The following LMO7 variants were observed in gnomAD, a reference collection of about 807,000 sequenced individuals.
LMO7 encodes LIM domain only protein 7.
A neutral mutation model predicts 206.5 loss-of-function variants in LMO7; 120 were observed. The observed-to-expected ratio is 0.58, with a 90% CI of 0.50 to 0.68. LMO7 has a LOEUF of 0.68. Ranked by LOEUF, LMO7 falls within the 30% of genes least tolerant of loss-of-function variation. LMO7 has a pLI of 0.00. For missense variants in LMO7, 1,959 were observed against 1,957.9 expected (o/e 1.00, Z -0.01); for synonymous variants, 706 against 681.5 (o/e 1.04, Z -0.56).
At chr13:75,642,314 C>T (rs574573623) in intron 1 of LMO7, among the ~76,000 whole-genome samples, 1 of 151,948 alleles carries the variant, frequency 6.6e-6, no homozygotes, top group Admixed American at 6.6e-5. Context: ...TTTAGTAAAA[C>T]AGGGTGTCAG....
intron 1 of LMO7, among the ~76,000 whole-genome samples, chr13:75,649,821 T>G (rs1390896281): frequency 6.6e-6 from 1 of 152,222 alleles, no homozygotes; most frequent in Non-Finnish European, 1.5e-5. Flanking sequence ...ATCTGCTATA[T>G]AAAATACTAA....
chr13:75,739,953 T>C (rs990249026), intron 3 of LMO7, among the ~76,000 whole-genome samples: 1 of 152,176 alleles, frequency 6.6e-6, no homozygotes, highest in Non-Finnish European at 1.5e-5. Context: ...GAGTACTTTT[T>C]TGGGGAAAAA....
Position 75,636,544 on chromosome 13 carries a change from A to T in LMO7, c.-114A>T. The T allele has an allele frequency of 1.3e-6, 2 of 1,524,034 alleles. No individual in the cohort carries two copies. Among genetic ancestry groups the T allele is most frequent in the Non-Finnish European group, 1.8e-6 (2 of 1,142,616 alleles). The allele number at this position is 1,524,034 out of a possible 1,614,324, so 94.4% of individuals were successfully genotyped here. A position where few individuals can be genotyped will look rare whatever the true frequency, so the allele number is the denominator to read the frequency against. On this transcript the variant is annotated 5_prime_UTR_variant, in exon 1 of 31. It adds an upstream start codon to the 5' untranslated region. Coordinates refer to ENST00000377534, the MANE Select transcript of LMO7 (RefSeq NM_001306080.2). The stretch of plus-strand genomic sequence containing the variant: ...CCGGCGCCTTCGCAGCCGGAGCGGA[A>T]GCCGGAGTTGTGGGAGGCCCGCGTG...
chr13:75,676,986 C>T (rs1424876521), intron 1 of LMO7, among the ~76,000 whole-genome samples: 1 of 152,112 alleles, frequency 6.6e-6, no homozygotes, highest in East Asian at 1.9e-4. Context: ...CCTAGTAGTA[C>T]AAATTTATTT....
chr13:75,762,116 T>C (rs1383155464), intron 4 of LMO7, among the ~76,000 whole-genome samples: 1 of 152,196 alleles, frequency 6.6e-6, no homozygotes, highest in Non-Finnish European at 1.5e-5. Flanking sequence ...TAACAATATA[T>C]GTTTTTAAAT....
intron 21 of LMO7, 31 bp from the exon 22 acceptor site, chr13:75,840,359 CT>C (rs1163729971): frequency 6.2e-7 from 1 of 1,611,784 alleles, no homozygotes; most frequent in Admixed American, 1.7e-5. Context: ...ATGTTGTTCT[CT>C]ATTTGCATCT....
intron 2 of LMO7, among the ~76,000 whole-genome samples, chr13:75,721,193 G>A (rs1029725682): frequency 5.6e-4 from 85 of 152,110 alleles, no homozygotes; most frequent in Admixed American, 5.6e-3. Flanking sequence ...AGAGCAAAAA[G>A]CAATTTCTAG....
intron 2 of LMO7, chr13:75,628,012 G>T (rs763134978): frequency 7.2e-5 from 11 of 151,848 alleles, no homozygotes; most frequent in Non-Finnish European, 1.5e-4. Context: ...ATAGTAGGAA[G>T]AAAACAACCA....
At chr13:75,684,415 AT>A (rs34892211) in intron 1 of LMO7, among the ~76,000 whole-genome samples, 78,493 of 151,136 alleles carry the variant, frequency 0.52, 21,470 homozygotes, top group Middle Eastern at 0.65. Context: ...CTAATTTTGT[AT>A]TTTTTTTCAG....
chr13:75,781,043 C>T, intron 4 of LMO7, among the ~76,000 whole-genome samples: 1 of 133,804 alleles, frequency 7.5e-6, no homozygotes, highest in Admixed American at 8.0e-5. Context: ...TTATAATTAT[C>T]TAATGGAAAA....
Position 75,648,950 on chromosome 13 carries a change from G to T in LMO7, c.69+12224G>T, listed in dbSNP as rs116514701. 4.8e-3 allele frequency among the ~76,000 whole-genome samples: 732 copies of T among 152,300 alleles called. 3 individuals are homozygous for T. The highest frequency in any genetic ancestry group is 0.017 in the African/African-American group (709 of 41,570). On this transcript the variant is annotated intron_variant, in intron 1 of 30. Transcript: ENST00000377534. The stretch of plus-strand genomic sequence containing the variant: ...GACAGCAAAGCTACAGGAAGCTTGA[G>T]AATGGGAAAAGCATTTGGGAACTAT...
At chr13:75,789,119 G>C (rs887525574) in intron 4 of LMO7, 1 of 152,116 alleles carries the variant, frequency 6.6e-6, no homozygotes, top group African/African-American at 2.4e-5. Flanking sequence ...TTTCTATTAG[G>C]ATATGGATAA....
At chr13:75,811,114 A>G (rs925585953) in intron 11 of LMO7, among the ~76,000 whole-genome samples, 1 of 152,128 alleles carries the variant, frequency 6.6e-6, no homozygotes, top group Non-Finnish European at 1.5e-5. Flanking sequence ...GTTTTGGACC[A>G]CTTGAAGTCA....
rs139720785 is a variant in LMO7, at chr13:75,849,788, A to G, written c.4364+496A>G. Among the ~76,000 whole-genome samples the G allele has an allele frequency of 3.4e-3, 514 of 152,356 alleles. 7 individuals carry two copies. Among genetic ancestry groups the G allele is most frequent in the African/African-American group, 0.012 (504 of 41,588 alleles). On this transcript the variant is annotated intron_variant, in intron 27 of 30. Transcript: ENST00000377534. ...TAAGGAGATAAAGGTATAGATATTA[A>G]TTGGAAATGAGTGCAGGAACATTTT...
intron 3 of LMO7, among the ~76,000 whole-genome samples, chr13:75,735,173 T>C (rs1408728270): frequency 2.6e-5 from 4 of 151,780 alleles, no homozygotes; most frequent in Non-Finnish European, 5.9e-5. Flanking sequence ...AGCTTTACAA[T>C]TTAAATATTT....
At chr13:75,782,788 C>A (rs1332342894) in intron 4 of LMO7, among the ~76,000 whole-genome samples, 1 of 152,182 alleles carries the variant, frequency 6.6e-6, no homozygotes, top group Non-Finnish European at 1.5e-5. Flanking sequence ...GGTCACAATC[C>A]CTTCTCCTCT....
Position 75,833,182 on chromosome 13 carries a change from G to A in LMO7, c.3064+17G>A. Reference sequence around the variant, plus strand: ...TTGAAGCAGGTAAATTATGTGTTTAGCTCTACTGAATTTTCTTCTCCTTTT... The same window carrying A: ...TTGAAGCAGGTAAATTATGTGTTTAACTCTACTGAATTTTCTTCTCCTTTT... On this transcript the variant is annotated intron_variant, in intron 16 of 30. Transcript: ENST00000377534. The A allele has an allele frequency of 7.4e-7, 1 of 1,360,116 alleles. No homozygotes were observed. Among genetic ancestry groups the A allele is most frequent in the Non-Finnish European group, 1.1e-6 (1 of 948,326 alleles). The allele number at this position is 1,360,116 out of a possible 1,614,324, so 84.3% of individuals were successfully genotyped here. A position where few individuals can be genotyped will look rare whatever the true frequency, so the allele number is the denominator to read the frequency against.
chr13:75,730,554 T>A (rs1199047492), intron 3 of LMO7, among the ~76,000 whole-genome samples: 1 of 151,384 alleles, frequency 6.6e-6, no homozygotes, highest in Non-Finnish European at 1.5e-5. Flanking sequence ...GGTCTATCAA[T>A]TTTGTTGATC....
At chr13:75,624,162 T>G (rs752978845) in intron 2 of LMO7, among the ~76,000 whole-genome samples, 1 of 152,214 alleles carries the variant, frequency 6.6e-6, no homozygotes, top group Non-Finnish European at 1.5e-5. Context: ...TGCCTCTGGT[T>G]GGGTGTTGGC....
Sources: gnomAD v4.1 joint callset for allele counts (sites outside exome capture counted in the v4.1 genomes callset) on GRCh38, gnomAD v4.1.1 for gene constraint, MANE v1.5 for transcripts, NCBI Gene and HGNC (gene_info 2026-07-23, HGNC 2026-07-21) for gene names.